Variants in ATP13A4 observed in about 807,000 individuals in gnomAD.
ATP13A4 encodes the protein ATPase 13A4.
Under a neutral mutation model 142.5 loss-of-function variants are expected in ATP13A4, and 114 were observed. The ratio of observed to expected loss-of-function variants is 0.80; its 90% CI spans 0.69 to 0.93. The LOEUF (loss-of-function observed/expected upper bound fraction) is 0.93. Among genes scored for constraint, ATP13A4 ranks in the 40% least tolerant of loss-of-function variants. The pLI, the probability that ATP13A4 is intolerant of heterozygous loss-of-function variation, is 0.00. For missense variants in ATP13A4, 1,392 were observed against 1,454.0 expected, an observed-to-expected ratio of 0.96 and a Z score of 0.69; for synonymous variants, 488 against 514.8, an observed-to-expected ratio of 0.95 and a Z score of 0.70.
chr3:193,538,153 A>G (rs1488608163), intron 1 of ATP13A4, among the ~76,000 whole-genome samples: 1 of 152,208 alleles, frequency 6.6e-6, no homozygotes, highest in Non-Finnish European at 1.5e-5. Context: ...TTACAACTGC[A>G]TATGGATCTC....
chr3:193,440,385 G>T lies in ATP13A4; in HGVS notation c.2519+173C>A, dbSNP rs114102760. 1.4e-3 allele frequency: 1,680 copies of T among 1,223,236 alleles called. 25 individuals carry two copies. In the African/African-American group the frequency reaches 0.023, roughly 17 times the overall value. The allele number at this position is 1,223,236 out of a possible 1,614,324, so 75.8% of individuals were successfully genotyped here. ...ACAACTGAATCAGGATCTCTGAATGGTGAGATCCCTTGGTACTGCTATTTT... is the reference window on the plus strand; with the variant it reads ...ACAACTGAATCAGGATCTCTGAATGTTGAGATCCCTTGGTACTGCTATTTT... On this transcript the variant is annotated intron_variant, in intron 21 of 29. Coordinates refer to ENST00000342695, the MANE Select transcript of ATP13A4 (RefSeq NM_032279.4).
At position 193,502,677 on chromosome 3, in the gene ATP13A4, A is replaced by C. The variant is rs753399397; in HGVS notation, c.235-38T>G. ...ACATCAAAACCCCCAAGAAGTTAAG[A>C]GAGGTCAGCAGGCTACAATTCAACC... On this transcript the variant is annotated intron_variant, in intron 2 of 29. Transcript: ENST00000342695. The C allele has an allele frequency of 2.5e-6, 4 of 1,586,194 alleles. No individual in the cohort carries two copies. The African/African-American group carries it at 5.4e-5, about 21-fold the overall frequency.
In ATP13A4 at chr3:193,589,284, A is replaced by G. The variant is rs558065764; in HGVS notation, n.91+3737T>C. On this transcript the variant is annotated intron_variant and non_coding_transcript_variant, in intron 1 of 3. Transcript: ENST00000489140. ...CTGTAAATGTTTGTTAATAAGGATT[A>G]TAACATGCTTTTCTGAGGGCTGGGG... Among the ~76,000 whole-genome samples the G allele has an allele frequency of 2.0e-5, 3 of 152,308 alleles. No homozygotes were observed. The East Asian group carries it at 5.8e-4, about 29-fold the overall frequency.
At chr3:193,456,119 T>A (rs1717594588) in intron 16 of ATP13A4, among the ~76,000 whole-genome samples, 1 of 152,070 alleles carries the variant, frequency 6.6e-6, no homozygotes. Context: ...GAAACCCCCA[T>A]GACACAAGTT....
Position 193,514,785 on chromosome 3 carries a change from C to T in ATP13A4, c.147G>A (p.Val49=), listed in dbSNP as rs143337862. 2 of 1,614,226 alleles carry T rather than the reference C, an allele frequency of 1.2e-6. No individual in the cohort carries two copies. The highest frequency in any genetic ancestry group is 1.1e-5 in the South Asian group (1 of 91,084). The change falls in exon 2 of 30, where the codon GTG becomes GTA. Residue 49 remains valine, a synonymous_variant. Coordinates refer to ENST00000342695, the MANE Select transcript of ATP13A4 (RefSeq NM_032279.4). ...CGTGCCATGCTGGTCTCCAGTAAAA[C>T]ACCAAGGGGAGGATTCCAAATGAGA... ...SIFSFGILPL[V]FYWRPAWHVW...
chr3:193,414,865 C>G lies in ATP13A4; in HGVS notation c.2843-115G>C, dbSNP rs183548006. ...TTGAGGAAATGGACAAACTGGAGTACATCACAAACTGAGGGAATAAAACAA... is the reference window on the plus strand; with the variant it reads ...TTGAGGAAATGGACAAACTGGAGTAGATCACAAACTGAGGGAATAAAACAA... On this transcript the variant is annotated intron_variant, in intron 25 of 29. Coordinates refer to ENST00000342695, the MANE Select transcript of ATP13A4 (RefSeq NM_032279.4). 7.7e-5 allele frequency: 74 copies of G among 966,542 alleles called. No homozygotes were observed. In the Admixed American group the frequency reaches 1.5e-3, roughly 19 times the overall value. The allele number at this position is 966,542 out of a possible 1,614,324, so 59.9% of individuals were successfully genotyped here. A position where few individuals can be genotyped will look rare whatever the true frequency, so the allele number is the denominator to read the frequency against.
At position 193,502,609 on chromosome 3, in the gene ATP13A4, C is replaced by A. The variant is rs1255864337; in HGVS notation, c.265G>T (p.Val89Leu). ...AATGCTGACAGGTAGATCCATATTA[C>A]CTTTTTCCAAGAGTAAATTTGGAAT... ...DEFQIYSWKKVIWIYLSALNS... is the reference protein window; with the variant it reads ...DEFQIYSWKKLIWIYLSALNS... The change falls in exon 3 of 30, where the codon GTA becomes TTA. Residue 89 changes from valine (V) to leucine (L), a missense_variant. By Grantham distance (32) the Val-to-Leu change is conservative (BLOSUM62 1). Coordinates refer to ENST00000342695, the MANE Select transcript of ATP13A4 (RefSeq NM_032279.4). 6.2e-7 allele frequency: 1 copy of A among 1,613,872 alleles called. No homozygotes were observed. The highest frequency in any genetic ancestry group is 8.5e-7 in the Non-Finnish European group (1 of 1,179,920).
At chr3:193,477,388 G>C (rs2108653328) in intron 8 of ATP13A4, among the ~76,000 whole-genome samples, 1 of 152,098 alleles carries the variant, frequency 6.6e-6, no homozygotes, top group African/African-American at 2.4e-5. Context: ...TGTGTGATAG[G>C]TACGTGAGGA....
chr3:193,457,553 C>T lies in ATP13A4; in HGVS notation c.1675-88G>A, dbSNP rs112210979. ...GCTTGAACCCTCCCCTTGAGAAGAT[C>T]CTCAGACCACCTCAATGTGTTTTCC... On this transcript the variant is annotated intron_variant, in intron 14 of 29. Coordinates refer to ENST00000342695, the MANE Select transcript of ATP13A4 (RefSeq NM_032279.4). 1,395 of 1,145,850 alleles carry T rather than the reference C, an allele frequency of 1.2e-3. 10 individuals are homozygous for T. In the African/African-American group the frequency reaches 0.019, roughly 15 times the overall value. The allele number at this position is 1,145,850 out of a possible 1,614,324, so 71.0% of individuals were successfully genotyped here.
At chr3:193,487,775 G>T (rs1440093643) in intron 7 of ATP13A4, among the ~76,000 whole-genome samples, 1 of 152,144 alleles carries the variant, frequency 6.6e-6, no homozygotes, top group Non-Finnish European at 1.5e-5. Context: ...TATGTAATAT[G>T]TGTGCATATG....
chr3:193,450,207 G>A (rs1717198351), intron 17 of ATP13A4, among the ~76,000 whole-genome samples: 1 of 152,012 alleles, frequency 6.6e-6, no homozygotes, highest in African/African-American at 2.4e-5. Context: ...ATTTGCCCAT[G>A]TTTTATTCTT....
chr3:193,526,177 A>G (rs1189751469), intron 1 of ATP13A4, among the ~76,000 whole-genome samples: 1 of 152,194 alleles, frequency 6.6e-6, no homozygotes, highest in Non-Finnish European at 1.5e-5. Context: ...AATATTTGCT[A>G]TTGTAAATAG....
rs1221547551 is a variant in ATP13A4 at position 193,401,245 on chromosome 3, T to C, written c.*1407A>G. On this transcript the variant is annotated 3_prime_UTR_variant, in exon 30 of 30. Coordinates refer to ENST00000342695, the MANE Select transcript of ATP13A4 (RefSeq NM_032279.4). ...TTTGCTTTTGCCTTAAAATATTATATGTAGGTGTGCTCCTAGAGTTCAGTG... is the reference window on the plus strand; with the variant it reads ...TTTGCTTTTGCCTTAAAATATTATACGTAGGTGTGCTCCTAGAGTTCAGTG... Among the ~76,000 whole-genome samples the C allele has an allele frequency of 6.6e-6, 1 of 152,192 alleles. No individual in the cohort carries two copies. Among genetic ancestry groups the C allele is most frequent in the Non-Finnish European group, 1.5e-5 (1 of 68,022 alleles).
rs78961507 is a variant in ATP13A4, at chr3:193,435,298, T to G, written c.2769+350A>C. On this transcript the variant is annotated intron_variant, in intron 24 of 29. Coordinates refer to ENST00000342695, the MANE Select transcript of ATP13A4 (RefSeq NM_032279.4). The stretch of plus-strand genomic sequence containing the variant: ...AATGAAGCATTTAGCAACACCCCAA[T>G]GCAGAGAACCATTTCTTTAGTGAGT... Among the ~76,000 whole-genome samples the G allele has an allele frequency of 5.9e-3, 905 of 152,102 alleles. 10 individuals are homozygous for G. Among genetic ancestry groups the G allele is most frequent in the African/African-American group, 0.021 (874 of 41,476 alleles).
intron 29 of ATP13A4, among the ~76,000 whole-genome samples, chr3:193,406,559 C>T (rs1232946179): frequency 6.6e-6 from 1 of 152,044 alleles, no homozygotes; most frequent in Admixed American, 6.6e-5. Context: ...GCGTGAATCA[C>T]GTGGAGAAAG....
At chr3:193,554,276 G>A (rs9846148) in intron 1 of ATP13A4, 26,649 of 201,654 alleles carry the variant, frequency 0.13, 2,004 homozygotes, top group Non-Finnish European at 0.16. Context: ...CAACAGACTC[G>A]GTGAACAAGA....
At chr3:193,554,062 T>A (rs537677882) in intron 1 of ATP13A4, among the ~76,000 whole-genome samples, 6 of 152,350 alleles carry the variant, frequency 3.9e-5, no homozygotes, top group Admixed American at 3.9e-4. Context: ...AATACAGTTT[T>A]AAATTCATCC....
Position 193,423,330 on chromosome 3 carries a change from T to C in ATP13A4, c.2843-8580A>G, listed in dbSNP as rs138871765. Among the ~76,000 whole-genome samples the C allele has an allele frequency of 5.5e-4, 82 of 149,556 alleles. 5 individuals are homozygous for C. The highest frequency in any genetic ancestry group is 2.0e-3 in the African/African-American group (80 of 40,826). On this transcript the variant is annotated intron_variant, in intron 25 of 29. Transcript: ENST00000342695. ...TTCTATTCAAACTATCCCTAAACATTGTAAAGGAGCAAATACTTCCAAACT... is the reference window on the plus strand; with the variant it reads ...TTCTATTCAAACTATCCCTAAACATCGTAAAGGAGCAAATACTTCCAAACT...
intron 1 of ATP13A4, among the ~76,000 whole-genome samples, chr3:193,516,234 G>A (rs1721406819): frequency 1.3e-5 from 2 of 152,162 alleles, no homozygotes. Flanking sequence ...TACATTGCCA[G>A]GAAAGGTTCT....
Sources: allele counts gnomAD v4.1 joint callset (sites outside exome capture counted in the v4.1 genomes callset), GRCh38; gene constraint gnomAD v4.1.1; transcripts MANE v1.5; gene names NCBI Gene and HGNC (gene_info 2026-07-23, HGNC 2026-07-21).